Variants in SEMA3B observed in about 807,000 individuals in gnomAD.
SEMA3B encodes the protein semaphorin 3B.
In SEMA3B, 71 loss-of-function variants were observed where a neutral mutation model predicts 77.8. The ratio of observed to expected loss-of-function variants is 0.91; its 90% CI spans 0.75 to 1.11. The LOEUF (loss-of-function observed/expected upper bound fraction) is 1.11, where lower values mean the gene tolerates loss of function less well. SEMA3B is among the 50% of genes most tolerant of loss of function. SEMA3B has a pLI of 0.00. For missense variants in SEMA3B, 968 were observed against 1,056.8 expected (o/e 0.92, Z 1.17); for synonymous variants, 470 against 452.9 (o/e 1.04, Z -0.48).
rs1700988510 is a variant in SEMA3B, at chr3:50,269,568, C to G, written c.109+219C>G. Reference sequence around the variant, plus strand: ...TCTCTTCGTGCTTTCTCAGGAAGACCCCTCCTGTCCCCACAGCAACAGACC... The same window carrying G: ...TCTCTTCGTGCTTTCTCAGGAAGACGCCTCCTGTCCCCACAGCAACAGACC... On this transcript the variant is annotated intron_variant, in intron 1 of 16. Coordinates refer to ENST00000616701, the MANE Select transcript of SEMA3B (RefSeq NM_001290060.2). The surrounding 1 kb of genome is among the most constrained non-coding windows in gnomAD (Gnocchi z 4.0). 1.3e-5 allele frequency among the ~76,000 whole-genome samples: 2 copies of G among 152,190 alleles called. No homozygotes were observed. The highest frequency in any genetic ancestry group is 1.3e-4 in the Admixed American group (2 of 15,286).
At position 50,275,692 on chromosome 3, in the gene SEMA3B, TTCTCGCCCCAAGACTCG is replaced by T. The variant is rs782691239; in HGVS notation, c.1706-7_1715del. 3 of 1,612,194 alleles carry T rather than the reference TTCTCGCCCCAAGACTCG, an allele frequency of 1.9e-6. No individual in the cohort carries two copies. The highest frequency in any genetic ancestry group is 1.7e-6 in the Non-Finnish European group (2 of 1,178,610). On this transcript the variant is annotated splice_acceptor_variant and splice_polypyrimidine_tract_variant and coding_sequence_variant and intron_variant, in exon 16 of 17. Coordinates refer to ENST00000616701, the MANE Select transcript of SEMA3B (RefSeq NM_001290060.2). LOFTEE classifies it high-confidence loss of function. This position sits in a 1 kb window ranked among gnomAD's most constrained non-coding sequence, Gnocchi z 7.5. Reference sequence around the variant, plus strand: ...CCTGCCTTGCCTAAATCTGACTTTCTTCTCGCCCCAAGACTCGTCTCGTCCCGCGCTGCTGGAACACA... The same window carrying T: ...CCTGCCTTGCCTAAATCTGACTTTCTTCTCGTCCCGCGCTGCTGGAACACA...
chr3:50,270,045 G>T lies in SEMA3B; in HGVS notation c.110-82G>T. The stretch of plus-strand genomic sequence containing the variant: ...AGGCCAGGTCCTAATGGCAACCTTG[G>T]CCGATAGAGTCACCACCAGGCAGGA... On this transcript the variant is annotated intron_variant, in intron 1 of 16. Coordinates refer to ENST00000616701, the MANE Select transcript of SEMA3B (RefSeq NM_001290060.2). The surrounding 1 kb of genome is among the most constrained non-coding windows in gnomAD (Gnocchi z 4.7). 7.0e-7 allele frequency: 1 copy of T among 1,420,752 alleles called. No individual in the cohort carries two copies. The highest frequency in any genetic ancestry group is 1.5e-5 in the South Asian group (1 of 68,812). 88.0% of individuals were successfully genotyped at this position (1,420,752 alleles called of 1,614,324 possible). A position where few individuals can be genotyped will look rare whatever the true frequency, so the allele number is the denominator to read the frequency against.
Position 50,273,414 on chromosome 3 carries a change from T to C in SEMA3B, c.781T>C (p.Ser261Pro), listed in dbSNP as rs374638242. 1.9e-6 allele frequency: 3 copies of C among 1,613,612 alleles called. No homozygotes were observed. In the African/African-American group the frequency reaches 4.0e-5, roughly 22 times the overall value. The change falls in exon 7 of 17, where the codon TCC (serine) becomes CCC (proline). Residue 261 changes from serine (S) to proline (P), a missense_variant. Ser to Pro is a moderately conservative substitution (Grantham distance 74). Transcript: ENST00000616701. This position sits in a 1 kb window ranked among gnomAD's most constrained non-coding sequence, Gnocchi z 6.5. ...GGCGGCGCCGGCACTGGGACGCCTGTCCGTGTCCCGCGTTGGCCAGATCTG... is the reference window on the plus strand; with the variant it reads ...GGCGGCGCCGGCACTGGGACGCCTGCCCGTGTCCCGCGTTGGCCAGATCTG... Reference protein sequence around the residue: ...VEAAPALGRLSVSRVGQICRN... With the variant: ...VEAAPALGRLPVSRVGQICRN...
chr3:50,263,992 G>A (rs1406646996), upstream of SEMA3B, among the ~76,000 whole-genome samples: 1 of 151,978 alleles, frequency 6.6e-6, no homozygotes, highest in Non-Finnish European at 1.5e-5. Context: ...GAGCCCAGGA[G>A]TTCAAGACCA....
chr3:50,275,515 C>T lies in SEMA3B; in HGVS notation c.1650-45C>T, dbSNP rs782023024. ...GGGAGGCGAAGGGTCTTTCACTGCCCGGGGCTGAAAGAAGGGCTCACAGAA... is the reference window on the plus strand; with the variant it reads ...GGGAGGCGAAGGGTCTTTCACTGCCTGGGGCTGAAAGAAGGGCTCACAGAA... On this transcript the variant is annotated intron_variant, in intron 14 of 16. Transcript: ENST00000616701. This position sits in a 1 kb window ranked among gnomAD's most constrained non-coding sequence, Gnocchi z 7.5. The T allele has an allele frequency of 2.5e-6, 4 of 1,613,014 alleles. No homozygotes were observed. The African/African-American group carries it at 4.0e-5, about 16-fold the overall frequency.
At chr3:50,268,953 C>A, upstream of SEMA3B, 2 of 501,244 alleles carry the variant, frequency 4.0e-6, no homozygotes, top group Non-Finnish European at 7.1e-6. Context: ...CGTGGTGAGG[C>A]GGGCTTGCCA....
rs34975459 is a variant in SEMA3B at position 50,272,710 on chromosome 3, C to CAA, written c.665-573_665-572dup. Among the ~76,000 whole-genome samples, 6 of 71,836 alleles carry CAA rather than the reference C, an allele frequency of 8.4e-5. No individual in the cohort carries two copies. The South Asian group carries it at 1.4e-3, about 17-fold the overall frequency. The allele number at this position is 71,836 out of a possible 152,430, so 47.1% of individuals were successfully genotyped here. On this transcript the variant is annotated intron_variant, in intron 6 of 16. Transcript: ENST00000616701. ...TGGGCAATAGAGCGAGACTTCGTCT[C>CAA]AAAAAAAAAAAAAAAAGCCAGGTGT...
At position 50,274,192 on chromosome 3, in the gene SEMA3B, G is replaced by A; in HGVS notation, c.1137+135G>A. On this transcript the variant is annotated intron_variant, in intron 10 of 16. Transcript: ENST00000616701. This position sits in a 1 kb window ranked among gnomAD's most constrained non-coding sequence, Gnocchi z 4.7. ...GGAAAACGTTTCCATCATAAGACAA[G>A]GCTTGTTTCCCGCCTCTGACTTCCT... The A allele has an allele frequency of 7.0e-7, 1 of 1,433,284 alleles. No individual in the cohort carries two copies. Among genetic ancestry groups the A allele is most frequent in the Non-Finnish European group, 9.5e-7 (1 of 1,056,572 alleles). The allele number at this position is 1,433,284 out of a possible 1,614,324, so 88.8% of individuals were successfully genotyped here. A position where few individuals can be genotyped will look rare whatever the true frequency, so the allele number is the denominator to read the frequency against.
rs1700975744 is a variant in SEMA3B at position 50,269,203 on chromosome 3, A to G, written c.-38A>G. 2 of 1,449,014 alleles carry G rather than the reference A, an allele frequency of 1.4e-6. No homozygotes were observed. The highest frequency in any genetic ancestry group is 1.9e-6 in the Non-Finnish European group (2 of 1,067,638). The allele number at this position is 1,449,014 out of a possible 1,614,324, so 89.8% of individuals were successfully genotyped here. A position where few individuals can be genotyped will look rare whatever the true frequency, so the allele number is the denominator to read the frequency against. ...AGGGCAGCTCAAGGCTCCTCCACAC[A>G]CACACCCGCTGAACCCTGAGCACCC... On this transcript the variant is annotated 5_prime_UTR_variant, in exon 1 of 17. Coordinates refer to ENST00000616701, the MANE Select transcript of SEMA3B (RefSeq NM_001290060.2). The surrounding 1 kb of genome is among the most constrained non-coding windows in gnomAD (Gnocchi z 4.0).
At chr3:50,264,968 G>A (rs1236001228), upstream of SEMA3B, among the ~76,000 whole-genome samples, 5 of 152,196 alleles carry the variant, frequency 3.3e-5, no homozygotes, top group African/African-American at 1.2e-4. Context: ...AAAGGCCCAG[G>A]GTTCTTGGTA....
rs2109235156 is a variant in SEMA3B, at chr3:50,269,304, G to A, written c.64G>A (p.Gly22Arg). 1 of 1,533,824 alleles carries A rather than the reference G, an allele frequency of 6.5e-7. No homozygotes were observed. The change falls in exon 1 of 17, where the codon GGG (glycine) becomes AGG (arginine). Residue 22 changes from glycine (G) to arginine (R), a missense_variant. By Grantham distance (125) the Gly-to-Arg change is moderately radical. Coordinates refer to ENST00000616701, the MANE Select transcript of SEMA3B (RefSeq NM_001290060.2). The surrounding 1 kb of genome is among the most constrained non-coding windows in gnomAD (Gnocchi z 4.0). ...GGCCCTGCTCTGGGCAGTGGGGCTG[G>A]GGAGTGCCGCCCCCAGCCCCCCACG... ...GLALLWAVGL[G>R]SAAPSPPRLR...
intron 5 of SEMA3B, 69 bp from the exon 6 acceptor site, chr3:50,271,292 C>T (rs1431048681): frequency 1.3e-6 from 2 of 1,549,206 alleles, no homozygotes; most frequent in African/African-American, 1.4e-5. Flanking sequence ...CACTCACTCC[C>T]AGAGCTCCCC....
chr3:50,274,587 G>A lies in SEMA3B; in HGVS notation c.1357+5G>A. 6.6e-7 allele frequency: 1 copy of A among 1,526,172 alleles called. No individual in the cohort carries two copies. Among genetic ancestry groups the A allele is most frequent in the Non-Finnish European group, 8.8e-7 (1 of 1,136,634 alleles). The allele number at this position is 1,526,172 out of a possible 1,614,324, so 94.5% of individuals were successfully genotyped here. On this transcript the variant is annotated splice_donor_5th_base_variant and intron_variant, in intron 11 of 16. Transcript: ENST00000616701. This position sits in a 1 kb window ranked among gnomAD's most constrained non-coding sequence, Gnocchi z 4.7. ...ACGTCCTCTTCATTGGCACAGGTCA[G>A]GGTCCCTCCACAGCGACCCCCAGGC...
Position 50,275,568 on chromosome 3 carries a change from G to C in SEMA3B, c.1658G>C (p.Arg553Pro). The part of the protein sequence containing the change: ...RFQPSAKRRF[R>P]RQDVRNGDPS... ...TCGGATGTTCCCCACAGGCGGTTCC[G>C]GCGGCAAGACGTAAGGAATGGCGAC... The change falls in exon 15 of 17, where the codon CGG becomes CCG. Residue 553 changes from arginine (R) to proline (P), a missense_variant. Physicochemically the swap from Arg to Pro is moderately radical, Grantham distance 103 (BLOSUM62 -2). Transcript: ENST00000616701. The surrounding 1 kb of genome is among the most constrained non-coding windows in gnomAD (Gnocchi z 7.5). 1 of 1,613,666 alleles carries C rather than the reference G, an allele frequency of 6.2e-7. No homozygotes were observed. Among genetic ancestry groups the C allele is most frequent in the Non-Finnish European group, 8.5e-7 (1 of 1,179,878 alleles).
In SEMA3B at chr3:50,270,590, G is replaced by T; in HGVS notation, c.330+95G>T. ...AAACAGAGGCCTGCCTGTTCTGGCT[G>T]GGATGAGGGCAGGGAGGTCGAGGTG... On this transcript the variant is annotated intron_variant, in intron 3 of 16. Coordinates refer to ENST00000616701, the MANE Select transcript of SEMA3B (RefSeq NM_001290060.2). The surrounding 1 kb of genome is among the most constrained non-coding windows in gnomAD (Gnocchi z 4.7). 1 of 1,555,390 alleles carries T rather than the reference G, an allele frequency of 6.4e-7. No individual in the cohort carries two copies.
At chr3:50,272,019 G>A (rs1701067658) in intron 6 of SEMA3B, among the ~76,000 whole-genome samples, 1 of 152,230 alleles carries the variant, frequency 6.6e-6, no homozygotes, top group Non-Finnish European at 1.5e-5. Flanking sequence ...GCTTGCACCT[G>A]TAATCCCAGC....
In SEMA3B at chr3:50,269,925, G is replaced by C. The variant is rs1284650303; in HGVS notation, c.110-202G>C. On this transcript the variant is annotated intron_variant, in intron 1 of 16. Coordinates refer to ENST00000616701, the MANE Select transcript of SEMA3B (RefSeq NM_001290060.2). This position sits in a 1 kb window ranked among gnomAD's most constrained non-coding sequence, Gnocchi z 4.0. ...TCAACCTGCCTTCCTCTTCCTGGGG[G>C]GATGTACCACCTACCCTGGCAGCTC... 2.0e-5 allele frequency among the ~76,000 whole-genome samples: 3 copies of C among 152,142 alleles called. No individual in the cohort carries two copies. The highest frequency in any genetic ancestry group is 7.2e-5 in the African/African-American group (3 of 41,432).
In SEMA3B at chr3:50,275,185, ACCTGAGG is replaced by A; in HGVS notation, c.1492-115_1492-109del. 1 of 1,455,448 alleles carries A rather than the reference ACCTGAGG, an allele frequency of 6.9e-7. No individual in the cohort carries two copies. Among genetic ancestry groups the A allele is most frequent in the Non-Finnish European group, 9.1e-7 (1 of 1,096,110 alleles). 90.2% of individuals were successfully genotyped at this position (1,455,448 alleles called of 1,614,324 possible). A position where few individuals can be genotyped will look rare whatever the true frequency, so the allele number is the denominator to read the frequency against. Reference sequence around the variant, plus strand: ...GGCTCTGGCTTTGTTAGACTGTGTGACCTGAGGCGTAAGACCTCAGTGTTCCCATCTG... The same window carrying A: ...GGCTCTGGCTTTGTTAGACTGTGTGACGTAAGACCTCAGTGTTCCCATCTG... On this transcript the variant is annotated intron_variant, in intron 13 of 16. Coordinates refer to ENST00000616701, the MANE Select transcript of SEMA3B (RefSeq NM_001290060.2). This position sits in a 1 kb window ranked among gnomAD's most constrained non-coding sequence, Gnocchi z 7.5.
Position 50,276,426 on chromosome 3 carries a change from G to C in SEMA3B, c.1970G>C (p.Arg657Pro). 6.5e-7 allele frequency: 1 copy of C among 1,536,330 alleles called. No homozygotes were observed. The highest frequency in any genetic ancestry group is 1.4e-5 in the African/African-American group (1 of 72,994). ...VEQGFTQPLR[R>P]LSLHVLSATQ... ...CAGGGCTTTACGCAACCGCTGCGTC[G>C]CCTGTCGCTGCACGTGTTGAGTGCT... The change falls in exon 17 of 17, where the codon CGC (arginine) becomes CCC (proline). Residue 657 changes from arginine (R) to proline (P), a missense_variant. Transcript: ENST00000616701. The surrounding 1 kb of genome is among the most constrained non-coding windows in gnomAD (Gnocchi z 5.8).
Sources: gnomAD v4.1 joint callset for allele counts (sites outside exome capture counted in the v4.1 genomes callset) on GRCh38, gnomAD v4.1.1 for gene constraint, Gnocchi (gnomAD v3.1) non-coding constraint, MANE v1.5 for transcripts, NCBI Gene and HGNC (gene_info 2026-07-23, HGNC 2026-07-21) for gene names.